Variants in SLC39A11 observed in about 807,000 individuals in gnomAD.
SLC39A11 encodes zinc transporter ZIP11.
SLC39A11 carries 33 observed loss-of-function variants against 36.1 expected under a neutral mutation model. The ratio of observed to expected loss-of-function variants is 0.91; its 90% CI spans 0.69 to 1.22. SLC39A11 has a LOEUF of 1.22. Among genes scored for constraint, SLC39A11 ranks in the 50% most tolerant of loss-of-function variants. The pLI is 0.00. For synonymous variants in SLC39A11, 166 were observed against 170.3 expected, an observed-to-expected ratio of 0.97 and a Z score of 0.20; for missense variants, 432 against 430.3, an observed-to-expected ratio of 1.00 and a Z score of -0.03.
intron 5 of SLC39A11, among the ~76,000 whole-genome samples, chr17:72,851,430 C>T (rs958276786): frequency 1.3e-5 from 2 of 152,110 alleles, no homozygotes; most frequent in Admixed American, 6.5e-5. Flanking sequence ...ATCTTAAACA[C>T]GTGATGGCAC....
intron 5 of SLC39A11, among the ~76,000 whole-genome samples, chr17:72,892,029 A>G (rs558731824): frequency 7.6e-6 from 1 of 131,428 alleles, no homozygotes; most frequent in African/African-American, 2.8e-5. Flanking sequence ...AGGTAGAGAT[A>G]AGACTATTTT....
chr17:72,930,199 T>C (rs2084300623), intron 5 of SLC39A11, among the ~76,000 whole-genome samples: 1 of 152,214 alleles, frequency 6.6e-6, no homozygotes, highest in South Asian at 2.1e-4. Flanking sequence ...GGGCAGCTCA[T>C]TAGTTCTGGG....
At chr17:72,654,034 C>T (rs77793176) in intron 7 of SLC39A11, among the ~76,000 whole-genome samples, 6,319 of 152,142 alleles carry the variant, frequency 0.042, 147 homozygotes, top group Middle Eastern at 0.078. Flanking sequence ...TTAAAATGTG[C>T]GTGTGTGTGC....
At chr17:73,058,568 C>A (rs776387820) in intron 3 of SLC39A11, among the ~76,000 whole-genome samples, 7 of 152,068 alleles carry the variant, frequency 4.6e-5, no homozygotes, top group Non-Finnish European at 7.4e-5. Flanking sequence ...ACTAAAAATA[C>A]AACAATTAGC....
chr17:72,881,995 T>C (rs992090329), intron 5 of SLC39A11, among the ~76,000 whole-genome samples: 1 of 152,224 alleles, frequency 6.6e-6, no homozygotes, highest in Non-Finnish European at 1.5e-5. Context: ...CTGTTAACAA[T>C]AATGCTACTA....
intron 6 of SLC39A11, among the ~76,000 whole-genome samples, chr17:72,804,422 T>C (rs1017205846): frequency 6.6e-6 from 1 of 151,890 alleles, no homozygotes; most frequent in Non-Finnish European, 1.5e-5. Context: ...CCCACCCAAG[T>C]AGAGAGTATG....
intron 4 of SLC39A11, among the ~76,000 whole-genome samples, chr17:72,999,766 G>A (rs2089715295): frequency 6.6e-6 from 1 of 151,822 alleles, no homozygotes; most frequent in African/African-American, 2.4e-5. Flanking sequence ...TTGAGATGAA[G>A]TTTCACTCTT....
At chr17:72,981,241 C>T (rs889389840) in intron 4 of SLC39A11, among the ~76,000 whole-genome samples, 1 of 152,024 alleles carries the variant, frequency 6.6e-6, no homozygotes, top group African/African-American at 2.4e-5. Context: ...TCTTCAAAAT[C>T]CACTGTGTAT....
At chr17:72,650,508 G>T (rs895714560) in intron 7 of SLC39A11, among the ~76,000 whole-genome samples, 2 of 152,210 alleles carry the variant, frequency 1.3e-5, no homozygotes, top group Non-Finnish European at 2.9e-5. Context: ...AGCAGAGGAG[G>T]GAAATGGGGC....
At position 72,700,039 on chromosome 17, in the gene SLC39A11, C is replaced by A. The variant is rs568362117; in HGVS notation, c.671+36611G>T. Among the ~76,000 whole-genome samples the A allele has an allele frequency of 5.8e-4, 80 of 138,716 alleles. 2 individuals carry two copies. The highest frequency in any genetic ancestry group is 2.0e-3 in the African/African-American group (77 of 38,564). 91.0% of individuals were successfully genotyped at this position (138,716 alleles called of 152,430 possible). A position where few individuals can be genotyped will look rare whatever the true frequency, so the allele number is the denominator to read the frequency against. ...TGGCAAGATAGATCAGGGGTTTCTG[C>A]AAGAACAGAAGCTCTTGGGAGACGA... On this transcript the variant is annotated intron_variant, in intron 7 of 9. Transcript: ENST00000255559.
At chr17:72,664,954 C>T (rs2070661481) in intron 7 of SLC39A11, among the ~76,000 whole-genome samples, 1 of 152,202 alleles carries the variant, frequency 6.6e-6, no homozygotes, top group Admixed American at 6.5e-5. Context: ...TACCTTGGGG[C>T]ATTTTCACTG....
chr17:72,989,551 A>G (rs1365118351), intron 4 of SLC39A11, among the ~76,000 whole-genome samples: 5 of 152,186 alleles, frequency 3.3e-5, no homozygotes, highest in Non-Finnish European at 7.3e-5. Flanking sequence ...TTCTAATAGA[A>G]TTTTTAAAGG....
At chr17:73,006,313 G>A (rs780886447) in intron 4 of SLC39A11, among the ~76,000 whole-genome samples, 7 of 152,118 alleles carry the variant, frequency 4.6e-5, no homozygotes, top group Non-Finnish European at 1.0e-4. Context: ...ACAAAACAAA[G>A]TTTTAAAAGA....
intron 7 of SLC39A11, among the ~76,000 whole-genome samples, chr17:72,722,631 A>G (rs2073738143): frequency 6.6e-6 from 1 of 150,504 alleles, no homozygotes; most frequent in Non-Finnish European, 1.5e-5. Context: ...GGTGGTAAAT[A>G]ACACTTTTTT....
intron 4 of SLC39A11, among the ~76,000 whole-genome samples, chr17:72,970,641 G>A (rs1437387056): frequency 2.0e-5 from 3 of 152,198 alleles, no homozygotes; most frequent in East Asian, 1.9e-4. Context: ...GTAATGCACC[G>A]GGAATTGCCC....
At chr17:72,650,790 G>A (rs1238182650) in intron 7 of SLC39A11, among the ~76,000 whole-genome samples, 1 of 152,148 alleles carries the variant, frequency 6.6e-6, no homozygotes, top group Non-Finnish European at 1.5e-5. Context: ...ACCCATTGCT[G>A]CAAGGGAGTG....
At chr17:72,754,465 A>C (rs2075293732) in intron 6 of SLC39A11, among the ~76,000 whole-genome samples, 1 of 152,186 alleles carries the variant, frequency 6.6e-6, no homozygotes, top group South Asian at 2.1e-4. Context: ...AATTAATTGA[A>C]AGCTTAAAAA....
At position 72,690,328 on chromosome 17, in the gene SLC39A11, A is replaced by C. The variant is rs140199865; in HGVS notation, c.672-41060T>G. ...GTCCTGGTGAGGTTTCCTAAAAACAAGTTAGGAGTCAGAGGATACACGTCG... is the reference window on the plus strand; with the variant it reads ...GTCCTGGTGAGGTTTCCTAAAAACACGTTAGGAGTCAGAGGATACACGTCG... On this transcript the variant is annotated intron_variant, in intron 7 of 9. Transcript: ENST00000255559. Among the ~76,000 whole-genome samples, 28 of 152,296 alleles carry C rather than the reference A, an allele frequency of 1.8e-4. No homozygotes were observed. The East Asian group carries it at 4.6e-3, about 25-fold the overall frequency.
At position 72,849,676 on chromosome 17, in the gene SLC39A11, T is replaced by A. The variant is rs1406776495; in HGVS notation, c.559A>T (p.Ile187Phe). The change falls in exon 6 of 10, where the codon ATC (isoleucine) becomes TTC (phenylalanine). Residue 187 changes from isoleucine to phenylalanine, a missense_variant. Ile to Phe is a conservative substitution (Grantham distance 21). Coordinates refer to ENST00000255559, the MANE Select transcript of SLC39A11 (RefSeq NM_139177.4). ...GTGATGGCCAAGATGAGCAGTGCGA[T>A]CCTCCTCCAGCTGCTGCCGCCGGGC... ...AQPGGSSWRR[I>F]ALLILAITIH... 1 of 1,606,152 alleles carries A rather than the reference T, an allele frequency of 6.2e-7. No homozygotes were observed. Among genetic ancestry groups the A allele is most frequent in the Admixed American group, 1.7e-5 (1 of 58,368 alleles).
Sources: gnomAD v4.1 joint callset for allele counts (sites outside exome capture counted in the v4.1 genomes callset) on GRCh38, gnomAD v4.1.1 for gene constraint, MANE v1.5 for transcripts, NCBI Gene and HGNC (gene_info 2026-07-23, HGNC 2026-07-21) for gene names.